IL2RA: variants seen among roughly 807,000 people sequenced by gnomAD.
The protein encoded by IL2RA is interleukin 2 receptor subunit alpha.
In IL2RA, 24 loss-of-function variants were observed where a neutral mutation model predicts 37.8. That is an observed-to-expected ratio of 0.63 (90% CI 0.46 to 0.89). IL2RA has a LOEUF of 0.89. IL2RA is among the 40% of genes least tolerant of loss of function. IL2RA has a pLI of 0.00. For missense variants in IL2RA, 319 were observed against 348.6 expected, an observed-to-expected ratio of 0.92 and a Z score of 0.68; for synonymous variants, 125 against 114.6, an observed-to-expected ratio of 1.09 and a Z score of -0.58.
At position 6,047,220 on chromosome 10, in the gene IL2RA, A is replaced by G. The variant is rs1241668061; in HGVS notation, c.64+14868T>C. On this transcript the variant is annotated intron_variant, in intron 1 of 7. Coordinates refer to ENST00000379959, the MANE Select transcript of IL2RA (RefSeq NM_000417.3). This position sits in a 1 kb window ranked among gnomAD's most constrained non-coding sequence, Gnocchi z 5.0. ...CAGACCATGTGGACACAGGTAGCCC[A>G]AGGAACAACCCCCATGCCAACAGCA... Among the ~76,000 whole-genome samples, 1 of 152,210 alleles carries G rather than the reference A, an allele frequency of 6.6e-6. No homozygotes were observed. The highest frequency in any genetic ancestry group is 2.4e-5 in the African/African-American group (1 of 41,472).
chr10:6,055,976 C>T (rs1840039834), intron 1 of IL2RA, among the ~76,000 whole-genome samples: 2 of 152,210 alleles, frequency 1.3e-5, no homozygotes, highest in Admixed American at 1.3e-4. Flanking sequence ...CATTACTCTC[C>T]ACACATTTCC....
At chr10:6,043,431 T>C (rs2132883913) in intron 1 of IL2RA, among the ~76,000 whole-genome samples, 1 of 152,128 alleles carries the variant, frequency 6.6e-6, no homozygotes, top group South Asian at 2.1e-4. Context: ...TATTTGTTTT[T>C]GTTTGTGTTT....
chr10:6,025,990 C>T lies in IL2RA; in HGVS notation c.100G>A (p.Ala34Thr), dbSNP rs773957702. Residue 34 changes from alanine to threonine, a missense_variant, in exon 2 of 8, where the codon GCC becomes ACC. By Grantham distance (58) the Ala-to-Thr change is moderately conservative (BLOSUM62 0). Transcript: ENST00000379959. This position sits in a 1 kb window ranked among gnomAD's most constrained non-coding sequence, Gnocchi z 4.4. ...TTGTAGGCCATGGCTTTGAATGTGGCGTGTGGGATCTCTGGCGGGTCATCG... is the reference window on the plus strand; with the variant it reads ...TTGTAGGCCATGGCTTTGAATGTGGTGTGTGGGATCTCTGGCGGGTCATCG... ...CDDDPPEIPHATFKAMAYKEG... is the reference protein window; with the variant it reads ...CDDDPPEIPHTTFKAMAYKEG... 1.4e-5 allele frequency: 22 copies of T among 1,613,654 alleles called. No individual in the cohort carries two copies. In the East Asian group the frequency reaches 1.6e-4, roughly 11 times the overall value.
Position 6,024,234 on chromosome 10 carries a change from C to T in IL2RA, c.367+10G>A, listed in dbSNP as rs767262856. ...GCAGGAGTTAGCTGGAGGACAGATT[C>T]ATCTCTCACCTGGAAGGCTCGCTTG... On this transcript the variant is annotated intron_variant, in intron 3 of 7. Coordinates refer to ENST00000379959, the MANE Select transcript of IL2RA (RefSeq NM_000417.3). 22 of 1,576,324 alleles carry T rather than the reference C, an allele frequency of 1.4e-5. No individual in the cohort carries two copies. In the South Asian group the frequency reaches 2.4e-4, roughly 17 times the overall value.
Position 6,024,224 on chromosome 10 carries a change from A to AG in IL2RA, c.367+19dup. Reference sequence around the variant, plus strand: ...GGGTGCGCTAGCAGGAGTTAGCTGGAGGACAGATTCATCTCTCACCTGGAA... The same window carrying AG: ...GGGTGCGCTAGCAGGAGTTAGCTGGAGGGACAGATTCATCTCTCACCTGGAA... On this transcript the variant is annotated intron_variant, in intron 3 of 7. Transcript: ENST00000379959. 6.6e-7 allele frequency: 1 copy of AG among 1,515,208 alleles called. No homozygotes were observed. Among genetic ancestry groups the AG allele is most frequent in the South Asian group, 1.1e-5 (1 of 89,178 alleles). The allele number at this position is 1,515,208 out of a possible 1,614,324, so 93.9% of individuals were successfully genotyped here. A position where few individuals can be genotyped will look rare whatever the true frequency, so the allele number is the denominator to read the frequency against.
At chr10:6,051,056 C>CT (rs5782869) in intron 1 of IL2RA, among the ~76,000 whole-genome samples, 105 of 146,418 alleles carry the variant, frequency 7.2e-4, no homozygotes, top group Middle Eastern at 3.4e-3. Context: ...ACCCCTCCAA[C>CT]TTTTTTTTTT....
At chr10:6,019,545 A>C in intron 5 of IL2RA, 46 bp from the exon 6 acceptor site, 1 of 1,412,456 alleles carries the variant, frequency 7.1e-7, no homozygotes, top group Non-Finnish European at 1.0e-6. Context: ...CCGTGACTTT[A>C]GGACAGCACG....
chr10:6,017,522 T>G (rs555983026), intron 7 of IL2RA, among the ~76,000 whole-genome samples: 1 of 151,770 alleles, frequency 6.6e-6, no homozygotes. Flanking sequence ...GTATAGTGGG[T>G]GCTCAATGAA....
At chr10:6,061,590 AG>A (rs1471414516) in intron 1 of IL2RA, among the ~76,000 whole-genome samples, 4 of 152,190 alleles carry the variant, frequency 2.6e-5, no homozygotes, top group African/African-American at 4.8e-5. Context: ...AAGACGTAAA[AG>A]CAGTGTATAC....
At position 6,014,785 on chromosome 10, in the gene IL2RA, T is replaced by C. The variant is rs1470840424; in HGVS notation, c.795-1889A>G. Among the ~76,000 whole-genome samples the C allele has an allele frequency of 6.6e-6, 1 of 152,106 alleles. No individual in the cohort carries two copies. The highest frequency in any genetic ancestry group is 2.4e-5 in the African/African-American group (1 of 41,378). ...TGAATCATTCCTGCTACAATAACCC[T>C]AGGGGGCTTATCATTTGCACTGCAG... is the stretch of plus-strand genomic sequence containing the variant. On this transcript the variant is annotated intron_variant, in intron 7 of 7. Transcript: ENST00000379959. The surrounding 1 kb of genome is among the most constrained non-coding windows in gnomAD (Gnocchi z 4.4).
At chr10:6,039,220 G>A (rs1422086047) in intron 1 of IL2RA, among the ~76,000 whole-genome samples, 1 of 152,186 alleles carries the variant, frequency 6.6e-6, no homozygotes, top group Non-Finnish European at 1.5e-5. Context: ...TATTGCTAAA[G>A]ATTCAATTCA....
rs1477556736 is a variant in IL2RA, at chr10:6,048,869, ATGCCCAAC to A, written c.64+13211_64+13218del. Among the ~76,000 whole-genome samples, 1 of 152,214 alleles carries A rather than the reference ATGCCCAAC, an allele frequency of 6.6e-6. No individual in the cohort carries two copies. Among genetic ancestry groups the A allele is most frequent in the Admixed American group, 6.5e-5 (1 of 15,286 alleles). Reference sequence around the variant, plus strand: ...ATGGGGAGACTCCAAGACACAGCTCATGCCCAACTTCAAAATCTCTGCTTCCACTATGT... The same window carrying A: ...ATGGGGAGACTCCAAGACACAGCTCATTCAAAATCTCTGCTTCCACTATGT... On this transcript the variant is annotated intron_variant, in intron 1 of 7. Coordinates refer to ENST00000379959, the MANE Select transcript of IL2RA (RefSeq NM_000417.3). The surrounding 1 kb of genome is among the most constrained non-coding windows in gnomAD (Gnocchi z 5.3).
intron 2 of IL2RA, 144 bp from the exon 3 acceptor site, chr10:6,024,498 C>G: frequency 1.5e-6 from 1 of 687,782 alleles, no homozygotes; most frequent in Non-Finnish European, 2.6e-6. Context: ...CTTACAAATA[C>G]GAAACCAGAG....
In IL2RA at chr10:6,062,328, T is replaced by G; in HGVS notation, c.-177A>C. On this transcript the variant is annotated 5_prime_UTR_variant, in exon 1 of 8. Coordinates refer to ENST00000379959, the MANE Select transcript of IL2RA (RefSeq NM_000417.3). ...AGTCTCTATCGGAGTCAGGAGTTGC[T>G]CTCTTTAAGTATTGGGCTGGCGTGT... 1.7e-6 allele frequency: 1 copy of G among 588,482 alleles called. No homozygotes were observed. Among genetic ancestry groups the G allele is most frequent in the Non-Finnish European group, 3.1e-6 (1 of 322,308 alleles). The allele number at this position is 588,482 out of a possible 1,614,324, so 36.5% of individuals were successfully genotyped here. A position where few individuals can be genotyped will look rare whatever the true frequency, so the allele number is the denominator to read the frequency against.
intron 1 of IL2RA, among the ~76,000 whole-genome samples, chr10:6,053,608 T>G (rs1839996318): frequency 6.6e-6 from 1 of 152,208 alleles, no homozygotes. Context: ...TTTTCCACGC[T>G]CTTTAGAATA....
rs1185412257 is a variant in IL2RA at position 6,036,827 on chromosome 10, T to C, written c.65-10802A>G. Among the ~76,000 whole-genome samples, 2 of 140,780 alleles carry C rather than the reference T, an allele frequency of 1.4e-5. No homozygotes were observed. The highest frequency in any genetic ancestry group is 2.9e-5 in the Non-Finnish European group (2 of 67,978). The allele number at this position is 140,780 out of a possible 152,430, so 92.4% of individuals were successfully genotyped here. A position where few individuals can be genotyped will look rare whatever the true frequency, so the allele number is the denominator to read the frequency against. ...GGACACCACTGCTGAAGAAGAAGGATATCCCGGTTGGCTGCTCTAGAGCCG... is the reference window on the plus strand; with the variant it reads ...GGACACCACTGCTGAAGAAGAAGGACATCCCGGTTGGCTGCTCTAGAGCCG... On this transcript the variant is annotated intron_variant, in intron 1 of 7. Transcript: ENST00000379959. The surrounding 1 kb of genome is among the most constrained non-coding windows in gnomAD (Gnocchi z 6.1).
In IL2RA at chr10:6,022,671, T is replaced by G. The variant is rs1839406806; in HGVS notation, c.368-978A>C. Among the ~76,000 whole-genome samples, 1 of 152,252 alleles carries G rather than the reference T, an allele frequency of 6.6e-6. No individual in the cohort carries two copies. Among genetic ancestry groups the G allele is most frequent in the African/African-American group, 2.4e-5 (1 of 41,462 alleles). ...TGAACATCACGACTGAACTTGTGTT[T>G]TGGTCTCAGGATAAAAGGTTGTTTG... On this transcript the variant is annotated intron_variant, in intron 3 of 7. Transcript: ENST00000379959. The surrounding 1 kb of genome is among the most constrained non-coding windows in gnomAD (Gnocchi z 4.7).
At position 6,059,590 on chromosome 10, in the gene IL2RA, A is replaced by G. The variant is rs41294925; in HGVS notation, c.64+2498T>C. Among the ~76,000 whole-genome samples the G allele has an allele frequency of 9.8e-3, 1,498 of 152,286 alleles. 15 individuals carry two copies. Among genetic ancestry groups the G allele is most frequent in the South Asian group, 0.017 (80 of 4,816 alleles). On this transcript the variant is annotated intron_variant, in intron 1 of 7. Coordinates refer to ENST00000379959, the MANE Select transcript of IL2RA (RefSeq NM_000417.3). ...AGCAATATACAGACTAAAAATGCCT[A>G]ATGCCTTAGATGATTCATTTTACCT...
intron 1 of IL2RA, among the ~76,000 whole-genome samples, chr10:6,031,522 G>GTATATATATATATATATATGTATATA (rs57251959): frequency 3.0e-5 from 2 of 67,106 alleles, no homozygotes; most frequent in Non-Finnish European, 6.2e-5. Flanking sequence ...GTATATATAT[G>GTATATATATATATATATATGTATATA]TATATATATA....
Sources: allele counts gnomAD v4.1 joint callset (sites outside exome capture counted in the v4.1 genomes callset), GRCh38; gene constraint gnomAD v4.1.1; non-coding constraint Gnocchi (gnomAD v3.1); transcripts MANE v1.5; gene names NCBI Gene and HGNC (gene_info 2026-07-23, HGNC 2026-07-21).